Variants in FBXO38 observed in about 807,000 individuals in gnomAD.
The protein encoded by FBXO38 is F-box protein 38, also known as F-box only protein 38.
A neutral mutation model predicts 131.9 loss-of-function variants in FBXO38; 53 were observed. That is an observed-to-expected ratio of 0.40 (90% CI 0.32 to 0.51). FBXO38 has a LOEUF of 0.51. Among genes scored for constraint, FBXO38 ranks in the 20% least tolerant of loss-of-function variants. FBXO38 has a pLI of 0.53. For missense variants in FBXO38, 1,076 were observed against 1,475.6 expected (o/e 0.73, Z 4.44); for synonymous variants, 452 against 505.6 (o/e 0.89, Z 1.42).
At chr5:148,415,748 C>T (rs1029246259) in intron 10 of FBXO38, among the ~76,000 whole-genome samples, 180 bp from the exon 11 acceptor site, 3 of 151,586 alleles carry the variant, frequency 2.0e-5, no homozygotes, top group Non-Finnish European at 4.4e-5. Context: ...TTAGTTCTCA[C>T]AATGGAATTA....
chr5:148,398,818 T>C (rs1459672682), intron 2 of FBXO38, among the ~76,000 whole-genome samples, 181 bp from the exon 3 acceptor site: 1 of 152,118 alleles, frequency 6.6e-6, no homozygotes, highest in African/African-American at 2.4e-5. Flanking sequence ...ACTCAACTAT[T>C]TGCTGACTTA....
At chr5:148,413,941 T>C (rs1443574757) in intron 9 of FBXO38, 195 bp from the exon 10 acceptor site, 4 of 426,986 alleles carry the variant, frequency 9.4e-6, no homozygotes, top group Non-Finnish European at 1.6e-5. Context: ...TAATATAATT[T>C]ATTATTTTGT....
At chr5:148,440,290 C>T (rs1397320403) in intron 19 of FBXO38, 134 bp from the exon 20 acceptor site, 12 of 622,770 alleles carry the variant, frequency 1.9e-5, no homozygotes, top group Non-Finnish European at 2.9e-5. Context: ...ATCCTACTTC[C>T]GTTAGGTATT....
At chr5:148,394,649 T>A (rs1273079751) in intron 1 of FBXO38, 65 bp from the exon 2 acceptor site, 6 of 673,224 alleles carry the variant, frequency 8.9e-6, no homozygotes, top group African/African-American at 5.7e-5. Flanking sequence ...AAATAAACAT[T>A]GTTTAACCTG....
chr5:148,433,206 A>T, intron 15 of FBXO38: 1 of 442,336 alleles, frequency 2.3e-6, no homozygotes, highest in Admixed American at 4.0e-5. Flanking sequence ...AGGCATGAGA[A>T]GGGTTGTTAT....
At chr5:148,392,579 CTTTGTG>C (rs1334551645) in intron 1 of FBXO38, among the ~76,000 whole-genome samples, 2 of 107,426 alleles carry the variant, frequency 1.9e-5, no homozygotes, top group Admixed American at 9.6e-5. Flanking sequence ...TTTTGCTTTT[CTTTGTG>C]TGTGTGTGTG....
chr5:148,423,883 G>C, intron 12 of FBXO38, 115 bp from the exon 13 acceptor site: 1 of 841,294 alleles, frequency 1.2e-6, no homozygotes, highest in Admixed American at 2.7e-5. Context: ...GTTCTTTCAG[G>C]GCAGGCCTAG....
chr5:148,399,899 T>C (rs1243863882), intron 3 of FBXO38, among the ~76,000 whole-genome samples: 1 of 151,616 alleles, frequency 6.6e-6, no homozygotes, highest in African/African-American at 2.4e-5. Context: ...GAAAATGGGA[T>C]AAGGCTGAGA....
chr5:148,409,014 A>G (rs952132202), intron 7 of FBXO38, 110 bp from the exon 8 acceptor site: 69 of 611,808 alleles, frequency 1.1e-4, no homozygotes, highest in Middle Eastern at 9.3e-4. Context: ...GCTTAGATTT[A>G]CTTTTAAATC....
intron 9 of FBXO38, chr5:148,413,775 T>G (rs1752902595): frequency 6.1e-6 from 1 of 163,008 alleles, no homozygotes. Flanking sequence ...GAGTTGAGTT[T>G]TTAAGATTTT....
intron 15 of FBXO38, among the ~76,000 whole-genome samples, chr5:148,431,279 G>A (rs951410835): frequency 1.3e-5 from 2 of 152,142 alleles, no homozygotes; most frequent in East Asian, 3.8e-4. Context: ...CTCTAAACAG[G>A]GAGGGAGGCA....
At chr5:148,424,260 A>G in intron 13 of FBXO38, 143 bp downstream of exon 13, 1 of 813,266 alleles carries the variant, frequency 1.2e-6, no homozygotes, top group Admixed American at 2.8e-5. Context: ...GAACTGTAAT[A>G]CATTGCTGGT....
At chr5:148,415,835 G>A in intron 10 of FBXO38, 93 bp from the exon 11 acceptor site, 2 of 1,302,150 alleles carry the variant, frequency 1.5e-6, no homozygotes, top group South Asian at 2.6e-5. Flanking sequence ...TTAAAAAAAA[G>A]GATTTGAAAG....
chr5:148,402,641 G>A (rs1185855682), intron 5 of FBXO38, 128 bp downstream of exon 5: 41 of 817,924 alleles, frequency 5.0e-5, no homozygotes, highest in Non-Finnish European at 7.2e-5. Flanking sequence ...ATAAATGTTT[G>A]CAAGATCTGT....
Position 148,433,453 on chromosome 5 carries a change from A to G in FBXO38, c.2683A>G (p.Met895Val), listed in dbSNP as rs758909222. The G allele has an allele frequency of 2.2e-5, 35 of 1,613,768 alleles. No individual in the cohort carries two copies. The highest frequency in any genetic ancestry group is 2.7e-5 in the Non-Finnish European group (32 of 1,179,908). ...AGCCAAAACAAAGCCACGTCACGCCATGAAACGGAAGCGGACAGCAGATAA... is the reference window on the plus strand; with the variant it reads ...AGCCAAAACAAAGCCACGTCACGCCGTGAAACGGAAGCGGACAGCAGATAA... ...EVAKTKPRHA[M>V]KRKRTADKST... The change falls in exon 16 of 22, where the codon ATG becomes GTG. Residue 895 changes from methionine to valine, a missense_variant. By Grantham distance (21) the Met-to-Val change is conservative (BLOSUM62 1). Around this residue, in one of 8 missense-constraint regions of FBXO38, gnomAD observed 282 missense variants for 418.8 expected, o/e 0.67. Coordinates refer to ENST00000340253, the MANE Select transcript of FBXO38 (RefSeq NM_205836.3).
At chr5:148,401,892 T>C in intron 3 of FBXO38, 90 bp from the exon 4 acceptor site, 1 of 1,302,700 alleles carries the variant, frequency 7.7e-7, no homozygotes, top group Admixed American at 2.3e-5. Flanking sequence ...GAGGAAGTCT[T>C]TTTTAACTTT....
At chr5:148,410,602 T>C (rs1156530563) in intron 8 of FBXO38, 33 bp from the exon 9 acceptor site, 1 of 1,610,692 alleles carries the variant, frequency 6.2e-7, no homozygotes, top group Non-Finnish European at 8.5e-7. Context: ...GGTTTTTGTT[T>C]TACTCTGATA....
chr5:148,441,170 G>T lies in FBXO38; in HGVS notation c.3321G>T (p.Trp1107Cys). 6.2e-7 allele frequency: 1 copy of T among 1,613,928 alleles called. No individual in the cohort carries two copies. The highest frequency in any genetic ancestry group is 8.5e-7 in the Non-Finnish European group (1 of 1,179,954). Reference sequence around the variant, plus strand: ...ATTCCATGATTTCTGACTTCCCTTGGCTGAGGTCATTACGAGCTGCAGAGC... The same window carrying T: ...ATTCCATGATTTCTGACTTCCCTTGTCTGAGGTCATTACGAGCTGCAGAGC... ...APYSMISDFP[W>C]LRSLRAAEPN... Residue 1107 changes from tryptophan (W) to cysteine (C), a missense_variant, in exon 21 of 22, where the codon TGG (tryptophan) becomes TGT (cysteine). Trp to Cys is a radical substitution (Grantham distance 215). Coordinates refer to ENST00000340253, the MANE Select transcript of FBXO38 (RefSeq NM_205836.3).
At position 148,439,808 on chromosome 5, in the gene FBXO38, G is replaced by A. The variant is rs1456403463; in HGVS notation, c.3170+16G>A. 1.2e-6 allele frequency: 2 copies of A among 1,612,038 alleles called. No individual in the cohort carries two copies. Among genetic ancestry groups the A allele is most frequent in the Non-Finnish European group, 1.7e-6 (2 of 1,179,116 alleles). ...ACATCAATCAGTAAGTAACTTTGTG[G>A]CCCTTAAAGGCCTTTTGAGTCATTT... On this transcript the variant is annotated intron_variant, in intron 19 of 21. Coordinates refer to ENST00000340253, the MANE Select transcript of FBXO38 (RefSeq NM_205836.3).
Sources: allele counts gnomAD v4.1 joint callset (sites outside exome capture counted in the v4.1 genomes callset), GRCh38; gene constraint gnomAD v4.1.1; regional missense constraint gnomAD v4.1.1; transcripts MANE v1.5; gene names NCBI Gene and HGNC (gene_info 2026-07-23, HGNC 2026-07-21).